Variants in CEP104 observed in about 807,000 individuals in gnomAD.
CEP104 encodes centrosomal protein of 104 kDa.
Under a neutral mutation model 113.3 loss-of-function variants are expected in CEP104, and 84 were observed. That is an observed-to-expected ratio of 0.74 (90% CI 0.62 to 0.89). The LOEUF is 0.89. Among genes scored for constraint, CEP104 ranks in the 40% least tolerant of loss-of-function variants. The pLI is 0.00. For synonymous variants in CEP104, 378 were observed against 421.7 expected (o/e 0.90, Z 1.27); for missense variants, 1,053 against 1,156.6 (o/e 0.91, Z 1.30).
In CEP104 at chr1:3,850,902, G is replaced by A. The variant is rs190984875; in HGVS notation, c.113+1393C>T. On this transcript the variant is annotated intron_variant, in intron 2 of 21. Coordinates refer to ENST00000378230, the MANE Select transcript of CEP104 (RefSeq NM_014704.4). Reference sequence around the variant, plus strand: ...AACTACTACCAAAAAGGGTGGCTGTGTGTATACTTGAGAATCTTCAATCCC... The same window carrying A: ...AACTACTACCAAAAAGGGTGGCTGTATGTATACTTGAGAATCTTCAATCCC... Among the ~76,000 whole-genome samples the A allele has an allele frequency of 1.7e-3, 255 of 152,372 alleles. 1 individual carries two copies. The highest frequency in any genetic ancestry group is 5.9e-3 in the African/African-American group (245 of 41,592).
rs573100810 is a variant in CEP104 at position 3,848,757 on chromosome 1, A to G, written c.138T>C (p.Ile46=). Residue 46 remains isoleucine (I), a synonymous_variant, in exon 3 of 22, where the codon ATT becomes ATC. Coordinates refer to ENST00000378230, the MANE Select transcript of CEP104 (RefSeq NM_014704.4). Reference sequence around the variant, plus strand: ...GACATCTCTCCACCATTTGAAGGACAATTTCTTGTGGAAACTGGCAAAATC... The same window carrying G: ...GACATCTCTCCACCATTTGAAGGACGATTTCTTGTGGAAACTGGCAAAATC... The part of the protein sequence containing the change: ...SPRFCQFPQE[I]VLQMVERCRI... The G allele has an allele frequency of 1.1e-5, 17 of 1,609,398 alleles. No individual in the cohort carries two copies. In the African/African-American group the frequency reaches 2.1e-4, roughly 20 times the overall value.
chr1:3,842,089 T>A (rs1644423144), intron 6 of CEP104, among the ~76,000 whole-genome samples: 1 of 97,332 alleles, frequency 1.0e-5, no homozygotes, highest in South Asian at 3.0e-4. Context: ...GTGTTATTTT[T>A]TTATTTTTAT....
At chr1:3,820,399 C>T (rs1417843101) in intron 20 of CEP104, among the ~76,000 whole-genome samples, 1 of 151,598 alleles carries the variant, frequency 6.6e-6, no homozygotes, top group Admixed American at 6.6e-5. Flanking sequence ...GATGTATGTG[C>T]AGTGAAAACT....
At position 3,826,410 on chromosome 1, in the gene CEP104, C is replaced by G; in HGVS notation, c.2215G>C (p.Ala739Pro). 6.2e-7 allele frequency: 1 copy of G among 1,614,014 alleles called. No homozygotes were observed. The highest frequency in any genetic ancestry group is 8.5e-7 in the Non-Finnish European group (1 of 1,179,886). The stretch of plus-strand genomic sequence containing the variant: ...TCATCCGGGATTCCCAGAGCTTCAG[C>G]AGGGGCTGCTTTCCCTCCTTGAATG... ...QDIQGGKAAPAEALGIPDEHY... is the reference protein window; with the variant it reads ...QDIQGGKAAPPEALGIPDEHY... The change falls in exon 17 of 22, where the codon GCT becomes CCT. Residue 739 changes from alanine (A) to proline (P), a missense_variant. Coordinates refer to ENST00000378230, the MANE Select transcript of CEP104 (RefSeq NM_014704.4).
intron 10 of CEP104, among the ~76,000 whole-genome samples, chr1:3,835,301 G>A (rs532774854): frequency 6.6e-6 from 1 of 152,018 alleles, no homozygotes; most frequent in East Asian, 1.9e-4. Context: ...GGAAATTTAA[G>A]ACTATGTTAA....
rs746987290 is a variant in CEP104 at position 3,833,994 on chromosome 1, T to A, written c.1527A>T (p.Thr509=). Residue 509 remains threonine (T), a synonymous_variant, in exon 12 of 22, where the codon ACA becomes ACT. Transcript: ENST00000378230. ...ASLKLLKMII[T]QYIPKHKLSK... ...TCAGTTTATGTTTAGGAATATATTGTGTAATGATCATTTTCAACAATTTCA... is the reference window on the plus strand; with the variant it reads ...TCAGTTTATGTTTAGGAATATATTGAGTAATGATCATTTTCAACAATTTCA... 2 of 1,613,778 alleles carry A rather than the reference T, an allele frequency of 1.2e-6. No homozygotes were observed. Among genetic ancestry groups the A allele is most frequent in the Middle Eastern group, 1.6e-4 (1 of 6,062 alleles).
intron 6 of CEP104, among the ~76,000 whole-genome samples, chr1:3,841,313 G>A (rs1644407844): frequency 6.6e-6 from 1 of 150,548 alleles, no homozygotes; most frequent in Non-Finnish European, 1.5e-5. Flanking sequence ...CCACCCTTGA[G>A]GTCACGGTAC....
In CEP104 at chr1:3,819,685, C is replaced by T. The variant is rs138334002; in HGVS notation, c.2572-3315G>A. Among the ~76,000 whole-genome samples the T allele has an allele frequency of 8.9e-4, 135 of 152,310 alleles. 1 individual carries two copies. The highest frequency in any genetic ancestry group is 3.2e-3 in the African/African-American group (131 of 41,576). Reference sequence around the variant, plus strand: ...ACACTGGACAAAGCCCAGTGACCCACAGAAGATTGAGCAGTCTTCACACTC... The same window carrying T: ...ACACTGGACAAAGCCCAGTGACCCATAGAAGATTGAGCAGTCTTCACACTC... On this transcript the variant is annotated intron_variant, in intron 20 of 21. Coordinates refer to ENST00000378230, the MANE Select transcript of CEP104 (RefSeq NM_014704.4). The surrounding 1 kb of genome is among the most constrained non-coding windows in gnomAD (Gnocchi z 4.6).
chr1:3,823,104 A>C lies in CEP104; in HGVS notation c.2571+70T>G. The stretch of plus-strand genomic sequence containing the variant: ...GCTATGGTCCCGCACTGACACCACC[A>C]CTGTCACCACCACTGCCATCCACAG... On this transcript the variant is annotated intron_variant, in intron 20 of 21. Coordinates refer to ENST00000378230, the MANE Select transcript of CEP104 (RefSeq NM_014704.4). The surrounding 1 kb of genome is among the most constrained non-coding windows in gnomAD (Gnocchi z 4.1). 1 of 1,406,700 alleles carries C rather than the reference A, an allele frequency of 7.1e-7. No homozygotes were observed. The highest frequency in any genetic ancestry group is 1.0e-6 in the Non-Finnish European group (1 of 994,358). 87.1% of individuals were successfully genotyped at this position (1,406,700 alleles called of 1,614,324 possible). A position where few individuals can be genotyped will look rare whatever the true frequency, so the allele number is the denominator to read the frequency against.
rs1643847514 is a variant in CEP104 at position 3,814,700 on chromosome 1, C to G, written c.*702G>C. The stretch of plus-strand genomic sequence containing the variant: ...TCCAGCAGGGAGCTGATGCCTGTCA[C>G]AGGGGCAGCACTACTGGAGAAGCAT... On this transcript the variant is annotated 3_prime_UTR_variant, in exon 22 of 22. Transcript: ENST00000378230. The G allele has an allele frequency of 6.6e-6, 1 of 152,252 alleles. No individual in the cohort carries two copies. The highest frequency in any genetic ancestry group is 1.5e-5 in the Non-Finnish European group (1 of 68,050). 9.4% of individuals were successfully genotyped at this position (152,252 alleles called of 1,614,324 possible). A position where few individuals can be genotyped will look rare whatever the true frequency, so the allele number is the denominator to read the frequency against.
At chr1:3,829,494 A>G (rs1252395292) in intron 14 of CEP104, 121 bp from the exon 15 acceptor site, 1 of 726,238 alleles carries the variant, frequency 1.4e-6, no homozygotes, top group East Asian at 2.7e-5. Context: ...AAGACTAATA[A>G]CAAGTTAGAA....
chr1:3,813,213 T>C lies in CEP104; in HGVS notation c.*2189A>G, dbSNP rs578063626. ...TACAGACATCTTGGCATCTATACTCTGTTTTGTCTAATAAACTTTAAAGTT... is the reference window on the plus strand; with the variant it reads ...TACAGACATCTTGGCATCTATACTCCGTTTTGTCTAATAAACTTTAAAGTT... On this transcript the variant is annotated 3_prime_UTR_variant, in exon 22 of 22. Coordinates refer to ENST00000378230, the MANE Select transcript of CEP104 (RefSeq NM_014704.4). 2.0e-5 allele frequency: 3 copies of C among 152,096 alleles called. No homozygotes were observed. In the East Asian group the frequency reaches 5.8e-4, roughly 30 times the overall value. 9.4% of individuals were successfully genotyped at this position (152,096 alleles called of 1,614,324 possible). A position where few individuals can be genotyped will look rare whatever the true frequency, so the allele number is the denominator to read the frequency against.
Position 3,845,366 on chromosome 1 carries a change from A to C in CEP104, c.427-15T>G. The C allele has an allele frequency of 6.5e-7, 1 of 1,549,992 alleles. No homozygotes were observed. The highest frequency in any genetic ancestry group is 8.9e-7 in the Non-Finnish European group (1 of 1,126,446). On this transcript the variant is annotated splice_polypyrimidine_tract_variant and intron_variant, in intron 4 of 21. Transcript: ENST00000378230. ...ACCAAAGCAACCTAAGAAAGTGTTA[A>C]AATAACAGAATTAAATATACAATGT... is the stretch of plus-strand genomic sequence containing the variant.
rs1419386816 is a variant in CEP104, at chr1:3,823,292, G to A, written c.2504-51C>T. 1 of 1,611,102 alleles carries A rather than the reference G, an allele frequency of 6.2e-7. No homozygotes were observed. Among genetic ancestry groups the A allele is most frequent in the Non-Finnish European group, 8.5e-7 (1 of 1,177,244 alleles). ...TCGCTCCCTGAATGACAGGCGACAA[G>A]ACATGCTGCTGGCCTGCCCGCAGGT... is the stretch of plus-strand genomic sequence containing the variant. On this transcript the variant is annotated intron_variant, in intron 19 of 21. Transcript: ENST00000378230. This position sits in a 1 kb window ranked among gnomAD's most constrained non-coding sequence, Gnocchi z 4.1.
intron 8 of CEP104, among the ~76,000 whole-genome samples, chr1:3,838,398 GC>G: frequency 6.6e-6 from 1 of 152,122 alleles, no homozygotes; most frequent in East Asian, 2.0e-4. Context: ...CAATCCTCCA[GC>G]CTTGGCCTCC....
Position 3,829,868 on chromosome 1 carries a change from G to A in CEP104, c.1966C>T (p.Arg656Cys), listed in dbSNP as rs148465057. The change falls in exon 14 of 22, where the codon CGC (arginine) becomes TGC (cysteine). Residue 656 changes from arginine to cysteine, a missense_variant. Physicochemically the swap from Arg to Cys is radical, Grantham distance 180 (BLOSUM62 -3). Transcript: ENST00000378230. ...ATTGTTTTGTAGAGAATGTTCCTGC[G>A]TGTGTTGCTGTCGTCTGGAGGAAGG... ...EYLPPDDSNT[R>C]RNILYKTIFE... 4.1e-3 allele frequency: 6,579 copies of A among 1,614,086 alleles called. 19 individuals carry two copies. Among genetic ancestry groups the A allele is most frequent in the Non-Finnish European group, 5.1e-3 (5,989 of 1,180,008 alleles).
chr1:3,836,796 G>T, intron 9 of CEP104, 104 bp from the exon 10 acceptor site: 1 of 900,142 alleles, frequency 1.1e-6, no homozygotes, highest in Non-Finnish European at 1.7e-6. Context: ...TACCTGATCT[G>T]AAAGATGTTA....
intron 20 of CEP104, among the ~76,000 whole-genome samples, chr1:3,818,338 G>C (rs1284015227): frequency 6.6e-6 from 1 of 152,168 alleles, no homozygotes; most frequent in Non-Finnish European, 1.5e-5. Context: ...CTGTCTACCG[G>C]CCTGCGCGTC....
Position 3,855,956 on chromosome 1 carries a change from C to T in CEP104, c.-15+933G>A, listed in dbSNP as rs948096252. On this transcript the variant is annotated intron_variant, in intron 1 of 21. Transcript: ENST00000378230. ...CCAGAGTACATCTCTCCCCAGGCAG[C>T]GATGACTCCATGGCGGTCTCATCCC... 3.0e-6 allele frequency: 3 copies of T among 985,206 alleles called. No individual in the cohort carries two copies. The African/African-American group carries it at 5.2e-5, about 17-fold the overall frequency. 61.0% of individuals were successfully genotyped at this position (985,206 alleles called of 1,614,324 possible). A position where few individuals can be genotyped will look rare whatever the true frequency, so the allele number is the denominator to read the frequency against.
Sources: allele counts gnomAD v4.1 joint callset (sites outside exome capture counted in the v4.1 genomes callset), GRCh38; gene constraint gnomAD v4.1.1; non-coding constraint Gnocchi (gnomAD v3.1); transcripts MANE v1.5; gene names NCBI Gene and HGNC (gene_info 2026-07-23, HGNC 2026-07-21).